Variants in DOCK8 observed in about 807,000 individuals in gnomAD.
DOCK8 encodes the protein dedicator of cytokinesis protein 8.
In DOCK8, 141 loss-of-function variants were observed where a neutral mutation model predicts 245.6. The observed-to-expected ratio is 0.57, with a 90% CI of 0.50 to 0.66. The LOEUF is 0.66. DOCK8 is among the 30% of genes least tolerant of loss of function. DOCK8 has a pLI of 0.00. For synonymous variants in DOCK8, 1,168 were observed against 970.2 expected, an observed-to-expected ratio of 1.20 and a Z score of -3.79; for missense variants, 2,965 against 2,603.4, an observed-to-expected ratio of 1.14 and a Z score of -3.02.
At chr9:353,628 G>C (rs537414457) in intron 14 of DOCK8, among the ~76,000 whole-genome samples, 5 of 152,284 alleles carry the variant, frequency 3.3e-5, no homozygotes, top group African/African-American at 1.2e-4. Flanking sequence ...GGAACATGCA[G>C]GTTGGTTGGT....
chr9:251,658 A>G (rs549608605), intron 1 of DOCK8, among the ~76,000 whole-genome samples: 2 of 152,262 alleles, frequency 1.3e-5, no homozygotes, highest in Admixed American at 1.3e-4. Flanking sequence ...AAAGCCTTGT[A>G]CAAGTCTCTT....
At chr9:245,332 A>T (rs531856) in intron 1 of DOCK8, among the ~76,000 whole-genome samples, 1 of 151,894 alleles carries the variant, frequency 6.6e-6, no homozygotes, top group South Asian at 2.1e-4. Context: ...AGCCTCCCCA[A>T]TAGCTAGGAT....
At chr9:404,401 C>T (rs2055316670) in intron 26 of DOCK8, among the ~76,000 whole-genome samples, 1 of 152,086 alleles carries the variant, frequency 6.6e-6, no homozygotes, top group Non-Finnish European at 1.5e-5. Flanking sequence ...GTACTATGTA[C>T]TTTGCTAAAC....
intron 1 of DOCK8, among the ~76,000 whole-genome samples, chr9:242,377 T>C (rs928079736): frequency 1.3e-5 from 2 of 152,184 alleles, no homozygotes; most frequent in Admixed American, 1.3e-4. Flanking sequence ...TTTTAATTTG[T>C]CCTCATTGAT....
At chr9:328,457 C>T (rs1007405887) in intron 9 of DOCK8, among the ~76,000 whole-genome samples, 1 of 152,334 alleles carries the variant, frequency 6.6e-6, no homozygotes. Flanking sequence ...GTTTCCTCAT[C>T]TGTGAAGTGG....
rs748970219 is a variant in DOCK8, at chr9:215,051, G to C, written c.53+22G>C. ...ACAGGTAAGACGCCCCCCGCGGCGC[G>C]CAGGTTGCGGCCGGACAGCCCAGCG... On this transcript the variant is annotated intron_variant, in intron 1 of 47. Coordinates refer to ENST00000432829, the MANE Select transcript of DOCK8 (RefSeq NM_203447.4). 4 of 1,561,592 alleles carry C rather than the reference G, an allele frequency of 2.6e-6. No homozygotes were observed. The African/African-American group carries it at 4.2e-5, about 16-fold the overall frequency.
intron 35 of DOCK8, among the ~76,000 whole-genome samples, 177 bp downstream of exon 35, chr9:428,673 T>C (rs1177196438): frequency 1.3e-5 from 2 of 152,220 alleles, no homozygotes; most frequent in South Asian, 2.1e-4. Context: ...GAAGCCACCA[T>C]GGAGAGGAAA....
intron 14 of DOCK8, among the ~76,000 whole-genome samples, chr9:344,724 G>C (rs1384737076): frequency 1.3e-5 from 2 of 152,110 alleles, no homozygotes; most frequent in Non-Finnish European, 2.9e-5. Context: ...TTGATAACAG[G>C]TATGGATTAG....
intron 25 of DOCK8, among the ~76,000 whole-genome samples, chr9:397,557 G>A (rs2054522274): frequency 6.6e-6 from 1 of 151,258 alleles, no homozygotes; most frequent in Non-Finnish European, 1.5e-5. Flanking sequence ...GGGTGTAGTG[G>A]CACGTACCTG....
rs201920783 is a variant in DOCK8 at position 382,258 on chromosome 9, G to A, written c.2606-255G>A. 2.7e-4 allele frequency among the ~76,000 whole-genome samples: 41 copies of A among 152,258 alleles called. No individual in the cohort carries two copies. The East Asian group carries it at 5.4e-3, about 20-fold the overall frequency. On this transcript the variant is annotated intron_variant, in intron 21 of 47. Transcript: ENST00000432829. ...TGGCAGTAATAGACTGGAGCCAGTA[G>A]TACCCCCTGCCTTTGTAAGAGGCAT...
intron 33 of DOCK8, among the ~76,000 whole-genome samples, chr9:422,984 C>CAA (rs56034723): frequency 3.9e-5 from 4 of 102,802 alleles, no homozygotes; most frequent in Admixed American, 9.8e-5. Flanking sequence ...GACTCCATCT[C>CAA]AAAAAAAAAA....
chr9:272,098 A>G (rs60424180), intron 2 of DOCK8, among the ~76,000 whole-genome samples: 5,128 of 152,290 alleles, frequency 0.034, 276 homozygotes, highest in African/African-American at 0.11. Context: ...CTGAAATGCC[A>G]AGTTACAGAC....
At chr9:353,599 G>A (rs941519280) in intron 14 of DOCK8, among the ~76,000 whole-genome samples, 6 of 152,078 alleles carry the variant, frequency 3.9e-5, no homozygotes, top group South Asian at 2.1e-4. Context: ...GGAAAAATGT[G>A]CTTTCTCTGT....
chr9:263,552 A>G (rs574633673), intron 1 of DOCK8, among the ~76,000 whole-genome samples: 10 of 152,284 alleles, frequency 6.6e-5, no homozygotes, highest in South Asian at 4.1e-4. Flanking sequence ...GTGTATTTCA[A>G]TGCTTTCAGC....
At chr9:405,162 G>A in intron 27 of DOCK8, 89 bp downstream of exon 27, 1 of 1,361,852 alleles carries the variant, frequency 7.3e-7, no homozygotes, top group Non-Finnish European at 1.0e-6. Flanking sequence ...ATAAAGGTTA[G>A]TCTTATTAAT....
intron 12 of DOCK8, among the ~76,000 whole-genome samples, chr9:338,159 A>AG (rs2051406304): frequency 7.1e-6 from 1 of 140,532 alleles, no homozygotes; most frequent in Non-Finnish European, 1.5e-5. Flanking sequence ...ATCTCAGAAA[A>AG]GAAAAAAAAA....
rs1206391530 is a variant in DOCK8, at chr9:403,932, G to GTATA, written c.3235-978_3235-975dup. Among the ~76,000 whole-genome samples the GTATA allele has an allele frequency of 2.9e-4, 23 of 80,508 alleles. 1 individual carries two copies. Among genetic ancestry groups the GTATA allele is most frequent in the Non-Finnish European group, 4.2e-4 (19 of 44,980 alleles). The allele number at this position is 80,508 out of a possible 152,430, so 52.8% of individuals were successfully genotyped here. A position where few individuals can be genotyped will look rare whatever the true frequency, so the allele number is the denominator to read the frequency against. ...TATATATATACATATATATATATGT[G>GTATA]TATATATATATGTGTATATATATAT... On this transcript the variant is annotated intron_variant, in intron 26 of 47. Transcript: ENST00000432829.
At chr9:453,833 T>C (rs34577280) in intron 46 of DOCK8, among the ~76,000 whole-genome samples, 7,513 of 152,248 alleles carry the variant, frequency 0.049, 263 homozygotes, top group Middle Eastern at 0.085. Context: ...TTTCATATAT[T>C]TTTATTTAAA....
intron 1 of DOCK8, among the ~76,000 whole-genome samples, chr9:233,838 T>A (rs1018395984): frequency 1.3e-5 from 2 of 152,112 alleles, no homozygotes; most frequent in African/African-American, 4.8e-5. Context: ...TGATGGGTCT[T>A]GACTCTTTAT....
Sources: gnomAD v4.1 joint callset for allele counts (sites outside exome capture counted in the v4.1 genomes callset) on GRCh38, gnomAD v4.1.1 for gene constraint, MANE v1.5 for transcripts, NCBI Gene and HGNC (gene_info 2026-07-23, HGNC 2026-07-21) for gene names.